Variants in RELB observed in about 807,000 individuals in gnomAD.
The protein encoded by RELB is transcription factor RelB.
In RELB, 14 loss-of-function variants were observed where a neutral mutation model predicts 55.4. That is an observed-to-expected ratio of 0.25 (90% CI 0.17 to 0.40). RELB has a LOEUF of 0.40. Among genes scored for constraint, RELB ranks in the 10% least tolerant of loss-of-function variants. The pLI, the probability that RELB is intolerant of heterozygous loss-of-function variation, is 1.00. For missense variants in RELB, 669 were observed against 830.7 expected, an observed-to-expected ratio of 0.81 and a Z score of 2.39; for synonymous variants, 409 against 371.3, an observed-to-expected ratio of 1.10 and a Z score of -1.17.
intron 4 of RELB, among the ~76,000 whole-genome samples, chr19:45,020,705 C>T (rs998257746): frequency 2.0e-5 from 3 of 151,364 alleles, no homozygotes; most frequent in African/African-American, 7.3e-5. Context: ...CTACAGGTGC[C>T]CGCCACCACG....
In RELB at chr19:45,001,600, C is replaced by T. The variant is rs1175294973; in HGVS notation, c.21C>T (p.Ala7=). The change falls in exon 1 of 12, where the codon GCC becomes GCT. Residue 7 remains alanine (A), a synonymous_variant. Coordinates refer to ENST00000221452, the MANE Select transcript of RELB (RefSeq NM_006509.4). ...CGTGCATGCTTCGGTCTGGGCCAGCCTCTGGGCCGTCCGTCCCCACTGGCC... is the reference window on the plus strand; with the variant it reads ...CGTGCATGCTTCGGTCTGGGCCAGCTTCTGGGCCGTCCGTCCCCACTGGCC... MLRSGP[A]SGPSVPTGRA... 5 of 1,513,138 alleles carry T rather than the reference C, an allele frequency of 3.3e-6. No individual in the cohort carries two copies. The East Asian group carries it at 1.1e-4, about 32-fold the overall frequency. The allele number at this position is 1,513,138 out of a possible 1,614,324, so 93.7% of individuals were successfully genotyped here.
At position 45,025,340 on chromosome 19, in the gene RELB, T is replaced by C. The variant is rs1172629215; in HGVS notation, c.674T>C (p.Leu225Pro). ...CGTCACCCCCTCAGTTTTAACAACC[T>C]GGGCATCCAGTGTGTGAGGAAGAAG... ...HVSPRHSFNN[L>P]GIQCVRKKEI... is the part of the protein sequence containing the mutation. Residue 225 changes from leucine (L) to proline (P), a missense_variant, in exon 6 of 12, where the codon CTG (leucine) becomes CCG (proline). Leu to Pro is a moderately conservative substitution (Grantham distance 98, BLOSUM62 -3). This residue lies in a region of RELB where 323 missense variants were observed against 368.5 expected (regional missense o/e 0.88). Transcript: ENST00000221452. 6.2e-7 allele frequency: 1 copy of C among 1,611,310 alleles called. No homozygotes were observed. Among genetic ancestry groups the C allele is most frequent in the Non-Finnish European group, 8.5e-7 (1 of 1,178,900 alleles).
intron 7 of RELB, 125 bp from the exon 8 acceptor site, chr19:45,028,762 CT>C (rs1971586902): frequency 1.9e-5 from 13 of 678,956 alleles, no homozygotes; most frequent in Non-Finnish European, 2.8e-5. Flanking sequence ...ATCAGATGCC[CT>C]GCCTTTTCAA....
intron 8 of RELB, among the ~76,000 whole-genome samples, chr19:45,029,312 C>T (rs1487691310): frequency 1.3e-5 from 2 of 152,104 alleles, no homozygotes; most frequent in Non-Finnish European, 2.9e-5. Flanking sequence ...TAAATGAACG[C>T]TTTACGGTGG....
intron 4 of RELB, among the ~76,000 whole-genome samples, chr19:45,018,130 C>T (rs1023300864): frequency 3.3e-5 from 5 of 151,686 alleles, no homozygotes; most frequent in African/African-American, 7.3e-5. Context: ...CTTGGCCGAG[C>T]GTGGTGGCTC....
rs201428892 is a variant in RELB, at chr19:45,025,353, T to C, written c.687T>C (p.Cys229=). 6.2e-7 allele frequency: 1 copy of C among 1,612,442 alleles called. No homozygotes were observed. Among genetic ancestry groups the C allele is most frequent in the Non-Finnish European group, 8.5e-7 (1 of 1,179,356 alleles). ...GTTTTAACAACCTGGGCATCCAGTGTGTGAGGAAGAAGGAGATTGAGGCTG... is the reference window on the plus strand; with the variant it reads ...GTTTTAACAACCTGGGCATCCAGTGCGTGAGGAAGAAGGAGATTGAGGCTG... ...RHSFNNLGIQ[C]VRKKEIEAAI... The change falls in exon 6 of 12, where the codon TGT becomes TGC. Residue 229 remains cysteine, a synonymous_variant. Coordinates refer to ENST00000221452, the MANE Select transcript of RELB (RefSeq NM_006509.4).
intron 7 of RELB, among the ~76,000 whole-genome samples, chr19:45,026,564 A>T (rs1014495021): frequency 6.8e-6 from 1 of 148,000 alleles, no homozygotes; most frequent in African/African-American, 2.5e-5. Context: ...AAAAAAAAAC[A>T]TCAAACCCAA....
rs751972459 is a variant in RELB, at chr19:45,028,889, A to G, written c.888A>G (p.Lys296=). The G allele has an allele frequency of 6.3e-7, 1 of 1,588,972 alleles. No homozygotes were observed. Among genetic ancestry groups the G allele is most frequent in the Admixed American group, 1.8e-5 (1 of 55,590 alleles). The stretch of plus-strand genomic sequence containing the variant: ...CTTCTTCCTCTTGCTCCTTCCCAGA[A>G]TCCACAAACACATCAGAGCTGCGGA... ...PVLSEPVYDK[K]STNTSELRIC... Residue 296 remains lysine, a splice_region_variant and synonymous_variant, in exon 8 of 12, where the codon AAA becomes AAG. Transcript: ENST00000221452.
At chr19:45,032,779 A>G in intron 9 of RELB, 30 bp downstream of exon 9, 2 of 1,556,960 alleles carry the variant, frequency 1.3e-6, no homozygotes, top group Non-Finnish European at 1.7e-6. Context: ...GTGACCCACC[A>G]CCTCGGAGAC....
At chr19:45,021,998 G>A (rs768763626) in intron 4 of RELB, 55 bp from the exon 5 acceptor site, 166 of 1,535,366 alleles carry the variant, frequency 1.1e-4, no homozygotes, top group Non-Finnish European at 1.4e-4. Context: ...CAAGGAGTTT[G>A]GATGGACGCA....
Position 45,034,467 on chromosome 19 carries a change from G to C in RELB, c.1293G>C (p.Glu431Asp), listed in dbSNP as rs1971663705. ...ELNSSDPHGIESKRRKKKPAI... is the reference protein window; with the variant it reads ...ELNSSDPHGIDSKRRKKKPAI... ...TTCCCTCAGACCCCCATGGCATCGAGAGCAAACGGCGGAAGAAAAAGCCGG... is the reference window on the plus strand; with the variant it reads ...TTCCCTCAGACCCCCATGGCATCGACAGCAAACGGCGGAAGAAAAAGCCGG... The change falls in exon 11 of 12, where the codon GAG (glutamate) becomes GAC (aspartate). Residue 431 changes from glutamate to aspartate, a missense_variant. Physicochemically the swap from Glu to Asp is conservative, Grantham distance 45. This residue lies in a region of RELB where 341 missense variants were observed against 436.8 expected (regional missense o/e 0.78). Transcript: ENST00000221452. 8 of 1,611,826 alleles carry C rather than the reference G, an allele frequency of 5.0e-6. No homozygotes were observed. The highest frequency in any genetic ancestry group is 1.7e-5 in the Admixed American group (1 of 59,614).
chr19:45,033,453 G>A (rs1028088768), intron 9 of RELB, among the ~76,000 whole-genome samples: 1 of 152,002 alleles, frequency 6.6e-6, no homozygotes, highest in Non-Finnish European at 1.5e-5. Flanking sequence ...GGGAGGCTGA[G>A]GCAGGCGGAT....
Position 45,028,971 on chromosome 19 carries a change from C to T in RELB, c.970C>T (p.Leu324Phe). The change falls in exon 8 of 12, where the codon CTC becomes TTC. Residue 324 changes from leucine (L) to phenylalanine (F), a missense_variant. Leu to Phe is a conservative substitution (Grantham distance 22). Transcript: ENST00000221452. ...CACCGGTGGCGAGGAGCTCTACTTG[C>T]TCTGCGACAAGGTGCAGAAAGGTGA... ...PCTGGEELYL[L>F]CDKVQKEDIS... The T allele has an allele frequency of 1.3e-6, 2 of 1,588,938 alleles. No homozygotes were observed. The highest frequency in any genetic ancestry group is 2.3e-5 in the East Asian group (1 of 43,714).
In RELB at chr19:45,038,071, A is replaced by T. The variant is rs1971721938; in HGVS notation, c.*281A>T. The T allele has an allele frequency of 2.7e-6, 1 of 365,218 alleles. No homozygotes were observed. The highest frequency in any genetic ancestry group is 2.1e-5 in the African/African-American group (1 of 47,844). The allele number at this position is 365,218 out of a possible 1,614,324, so 22.6% of individuals were successfully genotyped here. On this transcript the variant is annotated 3_prime_UTR_variant, in exon 12 of 12. Transcript: ENST00000221452. ...ATGTGGGGGCACCTTCTCCAGTAGG[A>T]TTCGGAAAAGATTGTACATATGGGA...
chr19:45,022,079 G>C lies in RELB; in HGVS notation c.531G>C (p.Glu177Asp). The part of the protein sequence containing the change: ...IELRDCGGLR[E>D]VEVTACLVWK... ...TCCGGGATTGTGGAGGGCTGCGGGA[G>C]GTGGAGGTGACTGCCTGCCTGGTGT... Residue 177 changes from glutamate (E) to aspartate (D), a missense_variant, in exon 5 of 12, where the codon GAG becomes GAC. By Grantham distance (45) the Glu-to-Asp change is conservative (BLOSUM62 2). Coordinates refer to ENST00000221452, the MANE Select transcript of RELB (RefSeq NM_006509.4). 1 of 1,612,902 alleles carries C rather than the reference G, an allele frequency of 6.2e-7. No individual in the cohort carries two copies. Among genetic ancestry groups the C allele is most frequent in the Non-Finnish European group, 8.5e-7 (1 of 1,179,478 alleles).
intron 5 of RELB, among the ~76,000 whole-genome samples, chr19:45,024,630 A>T (rs1270347467): frequency 3.3e-5 from 5 of 151,406 alleles, no homozygotes; most frequent in African/African-American, 4.9e-5. Flanking sequence ...TCTCTCTGCA[A>T]CCTCTACCTC....
chr19:45,005,804 A>G (rs1008340021), intron 2 of RELB, among the ~76,000 whole-genome samples: 2 of 152,116 alleles, frequency 1.3e-5, no homozygotes, highest in Non-Finnish European at 2.9e-5. Context: ...GGGTTTTGCC[A>G]TGTTGGCCAG....
rs1434059826 is a variant in RELB at position 45,037,555 on chromosome 19, T to C, written c.1505T>C (p.Leu502Pro). 2 of 1,613,094 alleles carry C rather than the reference T, an allele frequency of 1.2e-6. No individual in the cohort carries two copies. The highest frequency in any genetic ancestry group is 3.3e-5 in the Admixed American group (2 of 59,964). Reference protein sequence around the residue: ...DPTAPTLFTMLDLLPPAPPHA... With the variant: ...DPTAPTLFTMPDLLPPAPPHA... ...ACGGCCCCCACACTCTTCACCATGC[T>C]GGACCTGCTGCCCCCGGCACCGCCA... The change falls in exon 12 of 12, where the codon CTG (leucine) becomes CCG (proline). Residue 502 changes from leucine to proline, a missense_variant. Leu to Pro is a moderately conservative substitution (Grantham distance 98, BLOSUM62 -3). Coordinates refer to ENST00000221452, the MANE Select transcript of RELB (RefSeq NM_006509.4).
intron 1 of RELB, 23 bp from the exon 2 acceptor site, chr19:45,002,926 G>A: frequency 6.2e-7 from 1 of 1,611,678 alleles, no homozygotes; most frequent in Non-Finnish European, 8.5e-7. Flanking sequence ...ATCACCTCCT[G>A]AGACGTTTCT....
Sources: allele counts gnomAD v4.1 joint callset (sites outside exome capture counted in the v4.1 genomes callset), GRCh38; gene constraint gnomAD v4.1.1; regional missense constraint gnomAD v4.1.1; transcripts MANE v1.5; gene names NCBI Gene and HGNC (gene_info 2026-07-23, HGNC 2026-07-21).